The following IPO7 variants were observed in gnomAD, a reference collection of about 807,000 sequenced individuals.
IPO7 encodes the protein importin 7.
Under a neutral mutation model 136.4 loss-of-function variants are expected in IPO7, and 13 were observed. That is an observed-to-expected ratio of 0.10 (90% CI 0.06 to 0.15). The LOEUF (loss-of-function observed/expected upper bound fraction) is 0.15, where lower values mean the gene tolerates loss of function less well. IPO7 is among the 10% of genes least tolerant of loss of function. IPO7 has a pLI of 1.00. For synonymous variants in IPO7, 403 were observed against 404.4 expected (o/e 1.00, Z 0.04); for missense variants, 857 against 1,240.6 (o/e 0.69, Z 4.65).
At chr11:9,414,877 G>T (rs1855019523) in intron 5 of IPO7, among the ~76,000 whole-genome samples, 1 of 151,602 alleles carries the variant, frequency 6.6e-6, no homozygotes, top group South Asian at 2.1e-4. Flanking sequence ...ACCTGCCTTG[G>T]GCTCCCAAAG....
In IPO7 at chr11:9,414,307, C is replaced by T; in HGVS notation, c.532C>T (p.Leu178=). The T allele has an allele frequency of 3.1e-6, 5 of 1,613,526 alleles. No homozygotes were observed. Among genetic ancestry groups the T allele is most frequent in the Non-Finnish European group, 4.2e-6 (5 of 1,179,686 alleles). The change falls in exon 5 of 25, where the codon CTG becomes TTG. Residue 178 remains leucine, a synonymous_variant. Transcript: ENST00000379719. ...ATTGGTAGCAGCAATGCAGCATTTTCTGCCAGTTCTAAAGGATCGTTTTAT... is the reference window on the plus strand; with the variant it reads ...ATTGGTAGCAGCAATGCAGCATTTTTTGCCAGTTCTAAAGGATCGTTTTAT... ...SPLVAAMQHF[L]PVLKDRFIQL...
chr11:9,384,735 G>C lies in IPO7; in HGVS notation c.-29G>C, dbSNP rs773365884. On this transcript the variant is annotated 5_prime_UTR_variant, in exon 1 of 25. Transcript: ENST00000379719. ...CTATTCCTGGCCCAGTAGCACCCGA[G>C]CCCCGGGTTTGACCGAGTCCGCGCT... is the stretch of plus-strand genomic sequence containing the variant. 5.1e-6 allele frequency: 8 copies of C among 1,560,354 alleles called. No individual in the cohort carries two copies. The highest frequency in any genetic ancestry group is 1.7e-4 in the Middle Eastern group (1 of 5,996).
At chr11:9,396,031 T>C (rs1175564326) in intron 1 of IPO7, among the ~76,000 whole-genome samples, 1 of 152,074 alleles carries the variant, frequency 6.6e-6, no homozygotes, top group African/African-American at 2.4e-5. Flanking sequence ...CTGAAAGTTA[T>C]GCTTTTTTTC....
At chr11:9,441,643 T>C (rs1225544162) in intron 23 of IPO7, among the ~76,000 whole-genome samples, 2 of 152,244 alleles carry the variant, frequency 1.3e-5, no homozygotes, top group Non-Finnish European at 2.9e-5. Context: ...CTGTGCCTTG[T>C]ACTTTGTAGA....
intron 22 of IPO7, 41 bp from the exon 23 acceptor site, chr11:9,440,414 T>C (rs1565005210): frequency 6.7e-7 from 1 of 1,488,914 alleles, no homozygotes; most frequent in Non-Finnish European, 9.4e-7. Context: ...AGTAACAAAA[T>C]ATGTCATTGT....
intron 10 of IPO7, among the ~76,000 whole-genome samples, chr11:9,424,375 T>A (rs1241252911): frequency 2.0e-5 from 3 of 152,232 alleles, no homozygotes; most frequent in Non-Finnish European, 4.4e-5. Context: ...GTTTCATACA[T>A]ACGATTTAAA....
At chr11:9,397,361 T>TATATATATATATATATATATA (rs377148636) in intron 1 of IPO7, among the ~76,000 whole-genome samples, 8 of 42,262 alleles carry the variant, frequency 1.9e-4, no homozygotes, top group East Asian at 2.4e-3. Flanking sequence ...TATATATATA[T>TATATATATATATATATATATA]ATATTAGTCG....
chr11:9,417,264 A>G (rs953505352), intron 6 of IPO7, 116 bp downstream of exon 6: 1 of 499,772 alleles, frequency 2.0e-6, no homozygotes. Context: ...ATGGTGATGT[A>G]TTTTTTTCTA....
intron 22 of IPO7, 104 bp from the exon 23 acceptor site, chr11:9,440,351 C>T: frequency 1.1e-6 from 1 of 886,794 alleles, no homozygotes; most frequent in Non-Finnish European, 1.8e-6. Context: ...TCTCTCTTGT[C>T]ACTTGTGACT....
chr11:9,391,841 C>T (rs763569666), intron 1 of IPO7, among the ~76,000 whole-genome samples: 1 of 152,090 alleles, frequency 6.6e-6, no homozygotes, highest in Non-Finnish European at 1.5e-5. Flanking sequence ...ACATGGCTCA[C>T]GGCAGCCTTG....
intron 8 of IPO7, among the ~76,000 whole-genome samples, chr11:9,421,674 G>T (rs1286609023): frequency 7.2e-6 from 1 of 139,414 alleles, no homozygotes; most frequent in African/African-American, 2.7e-5. Flanking sequence ...GCTGGGCGCA[G>T]TTGCTCACGC....
At chr11:9,391,391 C>G (rs1208749367) in intron 1 of IPO7, among the ~76,000 whole-genome samples, 1 of 150,212 alleles carries the variant, frequency 6.7e-6, no homozygotes, top group Non-Finnish European at 1.5e-5. Context: ...GTGCAAGACT[C>G]TGCCTCAAAA....
intron 4 of IPO7, among the ~76,000 whole-genome samples, chr11:9,413,975 A>G (rs1041371176): frequency 1.3e-5 from 2 of 151,854 alleles, no homozygotes; most frequent in Middle Eastern, 3.2e-3. Flanking sequence ...AAGATAGTTA[A>G]CGTCTGTGCC....
At chr11:9,396,383 G>T (rs1352187742) in intron 1 of IPO7, among the ~76,000 whole-genome samples, 1 of 152,264 alleles carries the variant, frequency 6.6e-6, no homozygotes, top group Middle Eastern at 3.4e-3. Context: ...GAGACAAAGC[G>T]AGACTCCATC....
At chr11:9,436,869 T>TATATATAGATA (rs1491472277) in intron 20 of IPO7, among the ~76,000 whole-genome samples, 1 of 13,652 alleles carries the variant, frequency 7.3e-5, no homozygotes, top group African/African-American at 3.0e-4. Context: ...TATATATATA[T>TATATATAGATA]TTTTTTTTTT....
intron 14 of IPO7, among the ~76,000 whole-genome samples, chr11:9,429,465 C>G (rs945140332): frequency 6.6e-6 from 1 of 151,892 alleles, no homozygotes; most frequent in Non-Finnish European, 1.5e-5. Context: ...ACGATTGCCA[C>G]TACCCTCCAG....
At chr11:9,409,183 G>A (rs577511505) in intron 3 of IPO7, among the ~76,000 whole-genome samples, 3 of 150,458 alleles carry the variant, frequency 2.0e-5, no homozygotes, top group African/African-American at 4.9e-5. Flanking sequence ...ATCTCGGCTC[G>A]CTACAGCCTC....
intron 16 of IPO7, among the ~76,000 whole-genome samples, chr11:9,432,977 A>G (rs55750964): frequency 0.051 from 6,729 of 131,836 alleles, 233 homozygotes; most frequent in South Asian, 0.084. Context: ...CAGATGGGCT[A>G]TCTTCCAAAT....
intron 12 of IPO7, 28 bp from the exon 13 acceptor site, chr11:9,428,512 T>C: frequency 1.0e-6 from 1 of 976,500 alleles, no homozygotes; most frequent in Non-Finnish European, 1.6e-6. Flanking sequence ...TGGAACTGTA[T>C]CAAAATAACT....
Sources: gnomAD v4.1 joint callset for allele counts (sites outside exome capture counted in the v4.1 genomes callset) on GRCh38, gnomAD v4.1.1 for gene constraint, MANE v1.5 for transcripts, NCBI Gene and HGNC (gene_info 2026-07-23, HGNC 2026-07-21) for gene names.